MACC1: variants seen among roughly 807,000 people sequenced by gnomAD.
MACC1 encodes metastasis-associated in colon cancer protein 1.
Under a neutral mutation model 70.7 loss-of-function variants are expected in MACC1, and 79 were observed. The ratio of observed to expected loss-of-function variants is 1.12; its 90% CI spans 0.93 to 1.35. The LOEUF is 1.35. MACC1 is among the 40% of genes most tolerant of loss of function. MACC1 has a pLI of 0.00. For missense variants in MACC1, 1,106 were observed against 978.1 expected, an observed-to-expected ratio of 1.13 and a Z score of -1.74; for synonymous variants, 361 against 347.2, an observed-to-expected ratio of 1.04 and a Z score of -0.44.
intron 1 of MACC1, among the ~76,000 whole-genome samples, chr7:20,199,640 G>A (rs1401113780): frequency 2.0e-5 from 3 of 152,170 alleles, no homozygotes; most frequent in Non-Finnish European, 4.4e-5. Flanking sequence ...AATGAAACAG[G>A]AAGCACACAG....
chr7:20,154,148 G>C, intron 6 of MACC1, 45 bp downstream of exon 6: 2 of 1,595,504 alleles, frequency 1.3e-6, no homozygotes, highest in Non-Finnish European at 1.7e-6. Flanking sequence ...AGTGTTACTT[G>C]GTCTGCAACT....
At chr7:20,196,900 C>T (rs187865078) in intron 1 of MACC1, among the ~76,000 whole-genome samples, 1 of 152,310 alleles carries the variant, frequency 6.6e-6, no homozygotes, top group Admixed American at 6.5e-5. Context: ...TGCAACAGAG[C>T]ATTCTCAAGT....
Position 20,159,289 on chromosome 7 carries a change from G to T in MACC1, c.1072C>A (p.Pro358Thr), listed in dbSNP as rs1218571443. 8 of 1,614,072 alleles carry T rather than the reference G, an allele frequency of 5.0e-6. No individual in the cohort carries two copies. The highest frequency in any genetic ancestry group is 5.9e-6 in the Non-Finnish European group (7 of 1,180,012). The change falls in exon 5 of 7, where the codon CCA (proline) becomes ACA (threonine). Residue 358 changes from proline to threonine, a missense_variant. Coordinates refer to ENST00000400331, the MANE Select transcript of MACC1 (RefSeq NM_182762.4). ...ATATAATCCCAAATGGTGGCAGCTGGTGACGGAAGAGCTTTAGCTTGTGCA... is the reference window on the plus strand; with the variant it reads ...ATATAATCCCAAATGGTGGCAGCTGTTGACGGAAGAGCTTTAGCTTGTGCA... Reference protein sequence around the residue: ...VAAQAKALPSPAATIWDYIHK... With the variant: ...VAAQAKALPSTAATIWDYIHK...
intron 1 of MACC1, among the ~76,000 whole-genome samples, chr7:20,210,770 G>A (rs563974487): frequency 2.0e-5 from 3 of 152,032 alleles, no homozygotes; most frequent in Non-Finnish European, 4.4e-5. Flanking sequence ...CTTAATGGAT[G>A]GTCAGGAATT....
At chr7:20,199,613 G>T (rs1782803983) in intron 1 of MACC1, among the ~76,000 whole-genome samples, 1 of 152,170 alleles carries the variant, frequency 6.6e-6, no homozygotes, top group African/African-American at 2.4e-5. Flanking sequence ...TGAAATGACA[G>T]AATAAGGAAG....
Position 20,158,922 on chromosome 7 carries a change from A to T in MACC1, c.1439T>A (p.Met480Lys). The change falls in exon 5 of 7, where the codon ATG becomes AAG. Residue 480 changes from methionine (M) to lysine (K), a missense_variant. Physicochemically the swap from Met to Lys is moderately conservative, Grantham distance 95. Coordinates refer to ENST00000400331, the MANE Select transcript of MACC1 (RefSeq NM_182762.4). The stretch of plus-strand genomic sequence containing the variant: ...TTGAACACAAAAATCAAACAAGTGC[A>T]TCTCTCTGTGCTCAACTAAAGAAAA... ...FLFSLVEHRE[M>K]HLFDFCVQVE... 6.2e-7 allele frequency: 1 copy of T among 1,614,050 alleles called. No homozygotes were observed.
intron 1 of MACC1, among the ~76,000 whole-genome samples, chr7:20,177,265 G>A (rs939191569): frequency 1.3e-5 from 2 of 152,078 alleles, no homozygotes; most frequent in Admixed American, 1.3e-4. Context: ...GATAACATTT[G>A]GCCTGAAATT....
chr7:20,146,743 C>G lies in MACC1; in HGVS notation c.2347-5585G>C, dbSNP rs1303048296. Among the ~76,000 whole-genome samples the G allele has an allele frequency of 4.6e-5, 7 of 152,154 alleles. No individual in the cohort carries two copies. In the East Asian group the frequency reaches 1.3e-3, roughly 29 times the overall value. On this transcript the variant is annotated intron_variant, in intron 6 of 6. Coordinates refer to ENST00000400331, the MANE Select transcript of MACC1 (RefSeq NM_182762.4). ...ACTCTACACTTGTGTTTTGAAAAAT[C>G]TAAAGGAAAGCCCTCTCAGGAGGGC...
At chr7:20,195,413 G>C (rs990938799) in intron 1 of MACC1, among the ~76,000 whole-genome samples, 1 of 152,218 alleles carries the variant, frequency 6.6e-6, no homozygotes, top group African/African-American at 2.4e-5. Flanking sequence ...TTCAAAGGAG[G>C]AGGGTTTAGA....
intron 1 of MACC1, among the ~76,000 whole-genome samples, chr7:20,204,193 T>C (rs1001921414): frequency 2.0e-5 from 3 of 152,172 alleles, no homozygotes; most frequent in Non-Finnish European, 4.4e-5. Flanking sequence ...CTTGCTCTGT[T>C]GCACAGGCTG....
chr7:20,179,456 TTC>T (rs1479601048), intron 1 of MACC1, among the ~76,000 whole-genome samples: 1 of 152,224 alleles, frequency 6.6e-6, no homozygotes, highest in Non-Finnish European at 1.5e-5. Flanking sequence ...CTGTGCTCTC[TTC>T]TCTCTGTCCA....
intron 6 of MACC1, among the ~76,000 whole-genome samples, chr7:20,145,925 G>A (rs967589705): frequency 1.3e-5 from 2 of 152,136 alleles, no homozygotes; most frequent in African/African-American, 4.8e-5. Context: ...TTCTTTGGGA[G>A]GCTGAGGTGG....
chr7:20,160,249 G>GTTATTTAAGGA lies in MACC1; in HGVS notation c.116-15_116-5dup. On this transcript the variant is annotated splice_region_variant and splice_polypyrimidine_tract_variant and intron_variant, in intron 4 of 6. Coordinates refer to ENST00000400331, the MANE Select transcript of MACC1 (RefSeq NM_182762.4). ...AGCAAGTCTGGGTCCTGGCATTCTT[G>GTTATTTAAGGA]TTATTTAAGGAAAGACAAAGCAAAA... is the stretch of plus-strand genomic sequence containing the variant. 1 of 1,536,968 alleles carries GTTATTTAAGGA rather than the reference G, an allele frequency of 6.5e-7. No homozygotes were observed. Among genetic ancestry groups the GTTATTTAAGGA allele is most frequent in the Non-Finnish European group, 8.7e-7 (1 of 1,149,284 alleles).
At chr7:20,209,558 T>C (rs150739600) in intron 1 of MACC1, among the ~76,000 whole-genome samples, 1 of 152,256 alleles carries the variant, frequency 6.6e-6, no homozygotes, top group Non-Finnish European at 1.5e-5. Flanking sequence ...ACTTCCATTG[T>C]ATCTAGGGAG....
At chr7:20,201,929 G>C (rs1459856735) in intron 1 of MACC1, among the ~76,000 whole-genome samples, 1 of 152,128 alleles carries the variant, frequency 6.6e-6, no homozygotes, top group Non-Finnish European at 1.5e-5. Flanking sequence ...TCACTTACTG[G>C]TAATTATTCT....
At chr7:20,154,732 A>G (rs1198647153) in intron 5 of MACC1, among the ~76,000 whole-genome samples, 1 of 152,164 alleles carries the variant, frequency 6.6e-6, no homozygotes, top group East Asian at 1.9e-4. Flanking sequence ...GGCAGTCTCT[A>G]ATTTATCACT....
chr7:20,155,142 G>A (rs762438433), intron 5 of MACC1, among the ~76,000 whole-genome samples: 1 of 152,024 alleles, frequency 6.6e-6, no homozygotes, highest in Non-Finnish European at 1.5e-5. Flanking sequence ...GTTTTGCCTT[G>A]AGTACCATTT....
At chr7:20,162,352 A>G (rs1782150973) in intron 3 of MACC1, among the ~76,000 whole-genome samples, 1 of 152,106 alleles carries the variant, frequency 6.6e-6, no homozygotes, top group African/African-American at 2.4e-5. Context: ...TTATTTCTCA[A>G]TGGATAAAAT....
chr7:20,150,528 T>A (rs1781959689), intron 6 of MACC1: 1 of 152,216 alleles, frequency 6.6e-6, no homozygotes, highest in South Asian at 2.1e-4. Context: ...TAGATCTGCA[T>A]TGATTAAATG....
Sources: allele counts gnomAD v4.1 joint callset (sites outside exome capture counted in the v4.1 genomes callset), GRCh38; gene constraint gnomAD v4.1.1; transcripts MANE v1.5; gene names NCBI Gene and HGNC (gene_info 2026-07-23, HGNC 2026-07-21).